Variants in BMPER observed in about 807,000 individuals in gnomAD.
BMPER encodes BMP binding endothelial regulator, also known as BMP-binding endothelial regulator protein.
BMPER carries 45 observed loss-of-function variants against 87.3 expected under a neutral mutation model. The ratio of observed to expected loss-of-function variants is 0.52; its 90% CI spans 0.41 to 0.66. The LOEUF (loss-of-function observed/expected upper bound fraction) is 0.66. Among genes scored for constraint, BMPER ranks in the 30% least tolerant of loss-of-function variants. The probability of loss-of-function intolerance (pLI) is 0.00; values close to 1 mark genes in which losing one functional copy is unlikely to be tolerated. For synonymous variants in BMPER, 326 were observed against 316.2 expected (o/e 1.03, Z -0.33); for missense variants, 784 against 867.5 (o/e 0.90, Z 1.21).
chr7:33,997,614 C>G (rs1157558009), intron 6 of BMPER, among the ~76,000 whole-genome samples: 1 of 152,192 alleles, frequency 6.6e-6, no homozygotes, highest in Non-Finnish European at 1.5e-5. Context: ...AACCTCTTTC[C>G]TCTATAAATT....
chr7:34,129,610 A>AG lies in BMPER; in HGVS notation c.1746-13620_1746-13619insG, dbSNP rs1790507400. On this transcript the variant is annotated intron_variant, in intron 13 of 14. Transcript: ENST00000649409. ...AGAGAGAGAGAGAGAGAGAGAGAGAAAGAGAGAGAGAGAGAAAGAGAGAAA... is the reference window on the plus strand; with the variant it reads ...AGAGAGAGAGAGAGAGAGAGAGAGAAGAGAGAGAGAGAGAGAAAGAGAGAAA... 1.1e-3 allele frequency among the ~76,000 whole-genome samples: 75 copies of AG among 69,630 alleles called. 1 individual carries two copies. Among genetic ancestry groups the AG allele is most frequent in the African/African-American group, 3.4e-3 (59 of 17,438 alleles). The allele number at this position is 69,630 out of a possible 152,430, so 45.7% of individuals were successfully genotyped here. A position where few individuals can be genotyped will look rare whatever the true frequency, so the allele number is the denominator to read the frequency against.
At chr7:33,925,170 T>C (rs1784331170) in intron 2 of BMPER, among the ~76,000 whole-genome samples, 1 of 152,224 alleles carries the variant, frequency 6.6e-6, no homozygotes, top group Non-Finnish European at 1.5e-5. Context: ...GGGACAATGC[T>C]GGGCTTATTC....
intron 13 of BMPER, among the ~76,000 whole-genome samples, chr7:34,114,969 T>A (rs997805777): frequency 1.3e-5 from 2 of 152,252 alleles, no homozygotes; most frequent in African/African-American, 4.8e-5. Flanking sequence ...GGCTGTCATT[T>A]ACTATGTGTT....
intron 2 of BMPER, among the ~76,000 whole-genome samples, chr7:33,934,143 G>A (rs146222485): frequency 6.6e-6 from 1 of 152,332 alleles, no homozygotes; most frequent in East Asian, 1.9e-4. Context: ...GGCTTTGCGT[G>A]TGCCACTTCT....
rs111694623 is a variant in BMPER at position 34,041,704 on chromosome 7, C to T, written c.577-4602C>T. Among the ~76,000 whole-genome samples, 1,351 of 152,182 alleles carry T rather than the reference C, an allele frequency of 8.9e-3. 19 individuals carry two copies. The highest frequency in any genetic ancestry group is 0.031 in the African/African-American group (1,275 of 41,512). On this transcript the variant is annotated intron_variant, in intron 6 of 14. Transcript: ENST00000649409. Reference sequence around the variant, plus strand: ...ACACTTAAATCCTTTGCACTAAAGACGTATTTCTCCCCTACACTGCCCCCT... The same window carrying T: ...ACACTTAAATCCTTTGCACTAAAGATGTATTTCTCCCCTACACTGCCCCCT...
At chr7:34,006,591 A>G (rs1337327439) in intron 6 of BMPER, among the ~76,000 whole-genome samples, 1 of 152,096 alleles carries the variant, frequency 6.6e-6, no homozygotes, top group Admixed American at 6.6e-5. Context: ...TTCCAGGAGC[A>G]GGAGGTGCTT....
intron 2 of BMPER, among the ~76,000 whole-genome samples, chr7:33,926,211 G>A (rs542115759): frequency 6.6e-6 from 1 of 152,314 alleles, no homozygotes; most frequent in African/African-American, 2.4e-5. Flanking sequence ...ACAGATTCGT[G>A]TATTTTTGGT....
At chr7:33,936,389 T>C (rs1230393127) in intron 2 of BMPER, among the ~76,000 whole-genome samples, 1 of 152,168 alleles carries the variant, frequency 6.6e-6, no homozygotes, top group African/African-American at 2.4e-5. Flanking sequence ...GAAAGCTGGG[T>C]AATCTTGGAA....
chr7:34,086,133 C>A (rs1789201101), intron 13 of BMPER, 41 bp downstream of exon 13: 3 of 1,585,574 alleles, frequency 1.9e-6, no homozygotes, highest in Non-Finnish European at 2.6e-6. Flanking sequence ...GGTTGCAGAC[C>A]AATAATAGAC....
At chr7:33,914,216 C>T (rs10243747) in intron 2 of BMPER, among the ~76,000 whole-genome samples, 99,996 of 151,796 alleles carry the variant, frequency 0.66, 33,201 homozygotes, top group Middle Eastern at 0.81. Flanking sequence ...CTGCCCGCCT[C>T]GGTCTCCCAA....
intron 2 of BMPER, among the ~76,000 whole-genome samples, chr7:33,914,009 T>TGC (rs1784028651): frequency 6.6e-6 from 1 of 150,760 alleles, no homozygotes; most frequent in Non-Finnish European, 1.5e-5. Context: ...TTGCCCAGGC[T>TGC]GGAGTGCAGT....
At chr7:33,931,417 A>G (rs1784479186) in intron 2 of BMPER, among the ~76,000 whole-genome samples, 1 of 152,198 alleles carries the variant, frequency 6.6e-6, no homozygotes, top group Non-Finnish European at 1.5e-5. Flanking sequence ...TCCATCTGCA[A>G]ATCTTAAGAA....
intron 6 of BMPER, among the ~76,000 whole-genome samples, chr7:33,977,654 A>G (rs1019882573): frequency 6.6e-6 from 1 of 152,198 alleles, no homozygotes; most frequent in Non-Finnish European, 1.5e-5. Context: ...AAAGATATAT[A>G]TAGAGAGAAA....
chr7:34,075,922 G>T (rs985877720), intron 11 of BMPER, among the ~76,000 whole-genome samples: 1 of 152,160 alleles, frequency 6.6e-6, no homozygotes, highest in African/African-American at 2.4e-5. Flanking sequence ...AGGAAAAAGG[G>T]CCAAGGTTTC....
intron 13 of BMPER, among the ~76,000 whole-genome samples, chr7:34,109,135 G>A (rs2127985406): frequency 6.6e-6 from 1 of 152,296 alleles, no homozygotes; most frequent in Non-Finnish European, 1.5e-5. Context: ...GTCTGAGTCT[G>A]AAGGCTTGAG....
chr7:34,013,424 A>G (rs1786935112), intron 6 of BMPER, among the ~76,000 whole-genome samples: 1 of 151,856 alleles, frequency 6.6e-6, no homozygotes, highest in East Asian at 2.0e-4. Context: ...AAGGCGTCCT[A>G]ACCAGTCTCC....
At chr7:34,080,414 A>G (rs1472401685) in intron 12 of BMPER, among the ~76,000 whole-genome samples, 1 of 152,238 alleles carries the variant, frequency 6.6e-6, no homozygotes, top group African/African-American at 2.4e-5. Context: ...TTAGAGTATG[A>G]CATGTTTTCA....
At chr7:33,921,324 A>C (rs1784224378) in intron 2 of BMPER, among the ~76,000 whole-genome samples, 1 of 152,218 alleles carries the variant, frequency 6.6e-6, no homozygotes, top group African/African-American at 2.4e-5. Flanking sequence ...CCACCCTGTG[A>C]GGTAGCGCTG....
At chr7:33,920,570 T>G (rs1177278862) in intron 2 of BMPER, among the ~76,000 whole-genome samples, 2 of 151,594 alleles carry the variant, frequency 1.3e-5, no homozygotes. Flanking sequence ...GGATTACAGG[T>G]GCACACCACC....
Sources: gnomAD v4.1 joint callset for allele counts (sites outside exome capture counted in the v4.1 genomes callset) on GRCh38, gnomAD v4.1.1 for gene constraint, MANE v1.5 for transcripts, NCBI Gene and HGNC (gene_info 2026-07-23, HGNC 2026-07-21) for gene names.